Variants in PPFIA2 observed in about 807,000 individuals in gnomAD.
PPFIA2 encodes PPFI scaffold protein A2, also known as liprin-alpha-2.
PPFIA2 carries 46 observed loss-of-function variants against 175.5 expected under a neutral mutation model. The observed-to-expected ratio is 0.26, with a 90% confidence interval of 0.21 to 0.34. The LOEUF is 0.34. PPFIA2 is among the 10% of genes least tolerant of loss of function. PPFIA2 has a pLI of 1.00. For missense variants in PPFIA2, 1,179 were observed against 1,506.1 expected (o/e 0.78, Z 3.60); for synonymous variants, 568 against 511.4 (o/e 1.11, Z -1.49).
chr12:81,597,122 G>A (rs1171360009), intron 4 of PPFIA2, among the ~76,000 whole-genome samples: 1 of 151,948 alleles, frequency 6.6e-6, no homozygotes, highest in East Asian at 1.9e-4. Flanking sequence ...TTTCCATAAT[G>A]TATAATATAC....
chr12:81,542,027 CA>C (rs56288022), intron 4 of PPFIA2, among the ~76,000 whole-genome samples: 19,051 of 137,968 alleles, frequency 0.14, 1,217 homozygotes, highest in South Asian at 0.2. Context: ...TGGTGACTTC[CA>C]AAAAAAAAAA....
chr12:81,533,711 C>CTATCTATT (rs1035056165), intron 4 of PPFIA2, among the ~76,000 whole-genome samples: 3 of 131,370 alleles, frequency 2.3e-5, no homozygotes, highest in African/African-American at 9.3e-5. Flanking sequence ...ATCTATCTAT[C>CTATCTATT]TATCTATCTA....
intron 4 of PPFIA2, among the ~76,000 whole-genome samples, chr12:81,542,240 G>A (rs1230173956): frequency 6.6e-6 from 1 of 152,042 alleles, no homozygotes; most frequent in East Asian, 1.9e-4. Flanking sequence ...CTGAGACTGG[G>A]GTGAGTGCAG....
intron 8 of PPFIA2, among the ~76,000 whole-genome samples, chr12:81,392,085 A>T (rs2040232958): frequency 6.6e-6 from 1 of 151,920 alleles, no homozygotes; most frequent in South Asian, 2.1e-4. Flanking sequence ...AGACAGGACA[A>T]AAAAAGGAAT....
chr12:81,395,363 A>C (rs1419522971), intron 8 of PPFIA2, among the ~76,000 whole-genome samples: 1 of 152,082 alleles, frequency 6.6e-6, no homozygotes, highest in African/African-American at 2.4e-5. Context: ...GTAAAACAGT[A>C]TACAATAGAG....
intron 7 of PPFIA2, among the ~76,000 whole-genome samples, chr12:81,436,953 G>A (rs968906705): frequency 1.3e-5 from 2 of 152,136 alleles, no homozygotes; most frequent in African/African-American, 4.8e-5. Context: ...TTATGCAAGT[G>A]ACTCTTATTT....
At chr12:81,347,458 A>T in intron 18 of PPFIA2, 75 bp downstream of exon 18, 1 of 1,253,242 alleles carries the variant, frequency 8.0e-7, no homozygotes, top group Admixed American at 1.7e-5. Context: ...ACTAGAACAA[A>T]CACCCAGTTA....
At chr12:81,264,314 G>C (rs1410624349) in intron 30 of PPFIA2, among the ~76,000 whole-genome samples, 1 of 152,124 alleles carries the variant, frequency 6.6e-6, no homozygotes, top group East Asian at 1.9e-4. Context: ...TGTACATAAA[G>C]TACTTTTACA....
At chr12:81,758,849 G>A (rs1484597275) in intron 1 of PPFIA2, among the ~76,000 whole-genome samples, 1 of 152,094 alleles carries the variant, frequency 6.6e-6, no homozygotes, top group African/African-American at 2.4e-5. Context: ...TTAACCACGC[G>A]GCGCCGCTCC....
chr12:81,572,635 A>G (rs1329562041), intron 4 of PPFIA2, among the ~76,000 whole-genome samples: 1 of 152,010 alleles, frequency 6.6e-6, no homozygotes, highest in African/African-American at 2.4e-5. Context: ...TGTGCAAACT[A>G]AATAGAACCT....
intron 4 of PPFIA2, among the ~76,000 whole-genome samples, chr12:81,493,828 T>C (rs1333802954): frequency 1.4e-5 from 2 of 146,694 alleles, no homozygotes; most frequent in East Asian, 4.0e-4. Flanking sequence ...CATAGAAACA[T>C]AGATGAAGGC....
chr12:81,350,945 A>G (rs12581807), intron 17 of PPFIA2, among the ~76,000 whole-genome samples: 39,919 of 152,058 alleles, frequency 0.26, 7,527 homozygotes, highest in African/African-American at 0.51. Context: ...CTGTTCACCC[A>G]TTGAAAAAAC....
chr12:81,368,969 G>T (rs995276299), intron 12 of PPFIA2, 113 bp from the exon 13 acceptor site: 10 of 1,343,914 alleles, frequency 7.4e-6, no homozygotes, highest in Admixed American at 2.5e-5. Flanking sequence ...GATTAAAGTG[G>T]TGGAAACATT....
intron 7 of PPFIA2, among the ~76,000 whole-genome samples, chr12:81,409,306 C>T (rs2043483964): frequency 6.6e-6 from 1 of 152,118 alleles, no homozygotes; most frequent in South Asian, 2.1e-4. Flanking sequence ...GGCCTACTTG[C>T]TATGGTTTAA....
At chr12:81,499,251 C>T (rs1257988249) in intron 4 of PPFIA2, among the ~76,000 whole-genome samples, 1 of 152,154 alleles carries the variant, frequency 6.6e-6, no homozygotes, top group Non-Finnish European at 1.5e-5. Flanking sequence ...TATGACCAAC[C>T]ACTACAAAAA....
chr12:81,563,356 T>C (rs1328453862), intron 4 of PPFIA2, among the ~76,000 whole-genome samples: 1 of 152,236 alleles, frequency 6.6e-6, no homozygotes, highest in African/African-American at 2.4e-5. Flanking sequence ...TCTGTTCTAC[T>C]GTCTTAGATT....
intron 9 of PPFIA2, among the ~76,000 whole-genome samples, chr12:81,380,184 G>A (rs2037320828): frequency 6.6e-6 from 1 of 152,038 alleles, no homozygotes; most frequent in African/African-American, 2.4e-5. Context: ...AAGCAACATA[G>A]TGGGACCCTT....
chr12:81,299,565 G>T (rs77430834), intron 22 of PPFIA2, among the ~76,000 whole-genome samples, 183 bp from the exon 23 acceptor site: 1 of 151,866 alleles, frequency 6.6e-6, no homozygotes, highest in Non-Finnish European at 1.5e-5. Context: ...ATTTTATTAC[G>T]AATGAAGCAT....
chr12:81,680,706 G>A (rs1194646905), intron 3 of PPFIA2, among the ~76,000 whole-genome samples: 1 of 151,912 alleles, frequency 6.6e-6, no homozygotes, highest in Non-Finnish European at 1.5e-5. Context: ...TCCATCTTCA[G>A]GATATCAAAC....
Sources: gnomAD v4.1 joint callset for allele counts (sites outside exome capture counted in the v4.1 genomes callset) on GRCh38, gnomAD v4.1.1 for gene constraint, MANE v1.5 for transcripts, NCBI Gene and HGNC (gene_info 2026-07-23, HGNC 2026-07-21) for gene names.